Variants in PHKA2 observed in about 807,000 individuals in gnomAD.
The protein encoded by PHKA2 is phosphorylase kinase regulatory subunit alpha 2.
Under a neutral mutation model 102.0 loss-of-function variants are expected in PHKA2, and 31 were observed. The observed-to-expected ratio is 0.30, with a 90% CI of 0.23 to 0.41. The LOEUF is 0.41. Ranked by LOEUF, PHKA2 falls within the 10% of genes least tolerant of loss-of-function variation. PHKA2 has a pLI of 1.00. For missense variants in PHKA2, 858 were observed against 1,023.1 expected, an observed-to-expected ratio of 0.84 and a Z score of 2.20; for synonymous variants, 455 against 416.2, an observed-to-expected ratio of 1.09 and a Z score of -1.13.
rs753828941 is a variant in PHKA2 at position 18,894,119 on chromosome X, C to T, written c.3537+85G>A. On this transcript the variant is annotated intron_variant, in intron 32 of 32. Transcript: ENST00000379942. ...CATCTGTGATGACATTTTCTTGGTTCGAGTATATTCTTTCCTATTGGACAC... is the reference window on the plus strand; with the variant it reads ...CATCTGTGATGACATTTTCTTGGTTTGAGTATATTCTTTCCTATTGGACAC... 54 of 877,995 alleles carry T rather than the reference C, an allele frequency of 6.2e-5. No individual in the cohort carries two copies. The Middle Eastern group carries it at 1.1e-3, about 17-fold the overall frequency. The allele number at this position is 877,995 out of a possible 1,213,427, so 72.4% of individuals were successfully genotyped here.
At chrX:18,932,935 G>A (rs905189402) in intron 11 of PHKA2, among the ~76,000 whole-genome samples, 10 of 110,389 alleles carry the variant, frequency 9.1e-5, no homozygotes, top group African/African-American at 3.0e-4. Context: ...CCAACACAGC[G>A]AAACCCTGTC....
intron 11 of PHKA2, among the ~76,000 whole-genome samples, chrX:18,935,467 C>G (rs181205518): frequency 8.9e-6 from 1 of 111,849 alleles, no homozygotes; most frequent in Admixed American, 9.5e-5. Context: ...CTTTAGAGAG[C>G]CTGTGTCAGG....
At chrX:18,926,276 G>A (rs1294167058) in intron 14 of PHKA2, among the ~76,000 whole-genome samples, 177 bp downstream of exon 14, 2 of 112,548 alleles carry the variant, frequency 1.8e-5, no homozygotes, top group African/African-American at 3.2e-5. Context: ...CCCACTGAAC[G>A]GGTGTGAGAA....
intron 30 of PHKA2, chrX:18,895,901 G>A (rs1389665393): frequency 1.8e-5 from 2 of 112,627 alleles, no homozygotes; most frequent in Non-Finnish European, 3.7e-5. Context: ...CTTAAGAGAG[G>A]CGGGAAGTGG....
At chrX:18,911,795 G>T (rs1391727081) in intron 19 of PHKA2, among the ~76,000 whole-genome samples, 1 of 112,255 alleles carries the variant, frequency 8.9e-6, no homozygotes, top group African/African-American at 3.2e-5. Flanking sequence ...TTTCCCTCCT[G>T]GAATTCAGGA....
intron 17 of PHKA2, among the ~76,000 whole-genome samples, chrX:18,923,047 CTT>C (rs775796728): frequency 7.3e-5 from 6 of 82,494 alleles, no homozygotes; most frequent in Non-Finnish European, 6.8e-5. Context: ...TGAGATTCTC[CTT>C]TTTTTTTTTT....
At chrX:18,902,446 G>A (rs1296346699) in intron 26 of PHKA2, among the ~76,000 whole-genome samples, 1 of 108,653 alleles carries the variant, frequency 9.2e-6, no homozygotes, top group Non-Finnish European at 1.9e-5. Context: ...CTTGCTTTTG[G>A]ATAAGTAAAA....
intron 5 of PHKA2, among the ~76,000 whole-genome samples, chrX:18,945,937 A>G (rs755299944): frequency 7.5e-5 from 8 of 107,150 alleles, no homozygotes; most frequent in African/African-American, 1.0e-4. Context: ...CTTTTTTTTT[A>G]TTTTTATTTT....
At chrX:18,967,751 C>A (rs2048964967) in intron 1 of PHKA2, among the ~76,000 whole-genome samples, 1 of 109,625 alleles carries the variant, frequency 9.1e-6, no homozygotes, top group Non-Finnish European at 1.9e-5. Flanking sequence ...TAACCATCAC[C>A]CAGATCCAAC....
intron 19 of PHKA2, among the ~76,000 whole-genome samples, chrX:18,914,091 C>A (rs1423717263): frequency 1.8e-5 from 2 of 112,704 alleles, no homozygotes; most frequent in African/African-American, 6.4e-5. Context: ...CTGTACACGA[C>A]TGGCAGCGCA....
At chrX:18,896,772 C>T (rs1018891101) in intron 30 of PHKA2, 10 of 245,514 alleles carry the variant, frequency 4.1e-5, no homozygotes, top group Non-Finnish European at 6.7e-5. Context: ...TTTCCCTGTT[C>T]TTCTATGTTC....
intron 4 of PHKA2, 33 bp downstream of exon 4, chrX:18,951,071 C>T (rs1183250428): frequency 8.3e-7 from 1 of 1,204,204 alleles, no homozygotes; most frequent in East Asian, 3.0e-5. Flanking sequence ...ATTGTCACTC[C>T]TTATACAATG....
At chrX:18,981,966 A>G (rs747784186) in intron 1 of PHKA2, among the ~76,000 whole-genome samples, 5 of 112,251 alleles carry the variant, frequency 4.5e-5, no homozygotes, top group East Asian at 5.6e-4. Flanking sequence ...ATTCAAACCC[A>G]GGTCTGACAA....
chrX:18,893,832 G>A (rs1440683798), intron 32 of PHKA2, among the ~76,000 whole-genome samples, 177 bp from the exon 33 acceptor site: 1 of 112,422 alleles, frequency 8.9e-6, no homozygotes, highest in Non-Finnish European at 1.9e-5. Flanking sequence ...GCGCTGCCAG[G>A]GGGAATGCCC....
chrX:18,939,792 C>T (rs2048461117), intron 9 of PHKA2, among the ~76,000 whole-genome samples: 1 of 112,240 alleles, frequency 8.9e-6, no homozygotes, highest in Non-Finnish European at 1.9e-5. Context: ...CGCGCCTGGC[C>T]AAGCTGGTTT....
chrX:18,904,357 A>G (rs1368735174), intron 26 of PHKA2, among the ~76,000 whole-genome samples: 2 of 112,606 alleles, frequency 1.8e-5, no homozygotes, highest in Admixed American at 9.4e-5. Flanking sequence ...ACAAAAATTG[A>G]GCAATTACAA....
intron 11 of PHKA2, among the ~76,000 whole-genome samples, chrX:18,933,739 G>A (rs2048350256): frequency 8.9e-6 from 1 of 112,055 alleles, no homozygotes; most frequent in African/African-American, 3.2e-5. Flanking sequence ...TCTGGAAGGA[G>A]CCAACACAAA....
At chrX:18,952,357 A>T in intron 3 of PHKA2, 137 bp downstream of exon 3, 1 of 467,854 alleles carries the variant, frequency 2.1e-6, no homozygotes, top group Non-Finnish European at 3.8e-6. Flanking sequence ...AAAAAGAGAG[A>T]GAGAAAGTAA....
intron 23 of PHKA2, 35 bp from the exon 24 acceptor site, chrX:18,906,849 G>A (rs761246703): frequency 9.1e-5 from 104 of 1,136,863 alleles, no homozygotes; most frequent in South Asian, 8.7e-4. Context: ...ATGTGATGAG[G>A]TGTCTTGAGA....
Sources: allele counts gnomAD v4.1 joint callset (sites outside exome capture counted in the v4.1 genomes callset), GRCh38; gene constraint gnomAD v4.1.1; transcripts MANE v1.5; gene names NCBI Gene and HGNC (gene_info 2026-07-23, HGNC 2026-07-21).